MICU2: variants seen among roughly 807,000 people sequenced by gnomAD.
MICU2 encodes the protein mitochondrial calcium uptake 2, also known as calcium uptake protein 2, mitochondrial.
A neutral mutation model predicts 60.4 loss-of-function variants in MICU2; 64 were observed. The ratio of observed to expected loss-of-function variants is 1.06; its 90% CI spans 0.87 to 1.31. MICU2 has a LOEUF of 1.31. MICU2 is among the 50% of genes most tolerant of loss of function. The pLI is 0.00. For missense variants in MICU2, 569 were observed against 531.0 expected (o/e 1.07, Z -0.70); for synonymous variants, 201 against 175.0 (o/e 1.15, Z -1.17).
chr13:21,504,659 C>T (rs1463499881), intron 8 of MICU2, among the ~76,000 whole-genome samples: 2 of 152,120 alleles, frequency 1.3e-5, no homozygotes, highest in Admixed American at 6.5e-5. Flanking sequence ...GAACAAATTA[C>T]ATACTTTATA....
chr13:21,498,369 C>CTTTTTT lies in MICU2; in HGVS notation c.934-2215_934-2210dup, dbSNP rs34890922. Among the ~76,000 whole-genome samples, 139 of 78,566 alleles carry CTTTTTT rather than the reference C, an allele frequency of 1.8e-3. 8 individuals are homozygous for CTTTTTT. Among genetic ancestry groups the CTTTTTT allele is most frequent in the East Asian group, 5.3e-3 (9 of 1,698 alleles). 51.5% of individuals were successfully genotyped at this position (78,566 alleles called of 152,430 possible). On this transcript the variant is annotated intron_variant, in intron 9 of 11. Coordinates refer to ENST00000382374, the MANE Select transcript of MICU2 (RefSeq NM_152726.3). Reference sequence around the variant, plus strand: ...TGTCTCCATCCAGAAATATCCTATTCTTTTTTTTTTTTTTTTTTTTTTTTT... The same window carrying CTTTTTT: ...TGTCTCCATCCAGAAATATCCTATTCTTTTTTTTTTTTTTTTTTTTTTTTTTTTTTT...
intron 7 of MICU2, among the ~76,000 whole-genome samples, chr13:21,512,778 G>T (rs917772146): frequency 6.6e-6 from 1 of 152,038 alleles, no homozygotes. Context: ...TGTGATTTTA[G>T]TATCATTATC....
At position 21,502,922 on chromosome 13, in the gene MICU2, C is replaced by A. The variant is rs759066063; in HGVS notation, c.933+4G>T. The A allele has an allele frequency of 4.4e-6, 7 of 1,605,182 alleles. No homozygotes were observed. In the Admixed American group the frequency reaches 6.9e-5, roughly 16 times the overall value. ...TCACATGCATAATAAAAGGGTATAC[C>A]AACCTCTCCTGCTGACAACTTCTCT... On this transcript the variant is annotated splice_donor_region_variant and intron_variant, in intron 9 of 11. Transcript: ENST00000382374.
At position 21,510,042 on chromosome 13, in the gene MICU2, T is replaced by G; in HGVS notation, c.723A>C (p.Lys241Asn). The G allele has an allele frequency of 6.5e-7, 1 of 1,544,838 alleles. No individual in the cohort carries two copies. The highest frequency in any genetic ancestry group is 1.3e-5 in the South Asian group (1 of 76,178). The change falls in exon 8 of 12, where the codon AAA becomes AAC. Residue 241 changes from lysine (K) to asparagine (N), a missense_variant. By Grantham distance (94) the Lys-to-Asn change is moderately conservative. Transcript: ENST00000382374. The part of the protein sequence containing the change: ...NTTLQMRFFG[K>N]RGQRKLHYKE... ...TATAATGAAGTTTTCTTTGTCCTCTTTTTCCAAAGAAACGCATCTGAAGAG... is the reference window on the plus strand; with the variant it reads ...TATAATGAAGTTTTCTTTGTCCTCTGTTTCCAAAGAAACGCATCTGAAGAG...
chr13:21,595,590 T>C lies in MICU2; in HGVS notation c.210+8349A>G, dbSNP rs370258159. On this transcript the variant is annotated intron_variant, in intron 1 of 11. Transcript: ENST00000382374. ...GAGCTGCTCCAGGGCACCACCTCTG[T>C]GGTAGCTCTAAGCCAGGCCCTCAGG... Among the ~76,000 whole-genome samples the C allele has an allele frequency of 7.4e-4, 112 of 152,328 alleles. No homozygotes were observed. In the South Asian group the frequency reaches 9.9e-3, roughly 14 times the overall value.
intron 2 of MICU2, among the ~76,000 whole-genome samples, chr13:21,558,115 G>C (rs772229170): frequency 2.8e-4 from 43 of 152,092 alleles, no homozygotes; most frequent in Non-Finnish European, 6.0e-4. Flanking sequence ...GCTCCCCCAG[G>C]GTTGTTACTG....
At chr13:21,559,776 T>C (rs190994154) in intron 2 of MICU2, among the ~76,000 whole-genome samples, 4 of 152,244 alleles carry the variant, frequency 2.6e-5, no homozygotes, top group Admixed American at 2.6e-4. Context: ...CCACCTGCCT[T>C]GGCCTCCCAA....
Position 21,539,500 on chromosome 13 carries a change from A to G in MICU2, c.391-123T>C, listed in dbSNP as rs1000841539. On this transcript the variant is annotated intron_variant, in intron 3 of 11. Transcript: ENST00000382374. ...GTATTTTTAGTAGACACAGGGCTTCACTGTGTTAGCCAGGATGGTGATCTC... is the reference window on the plus strand; with the variant it reads ...GTATTTTTAGTAGACACAGGGCTTCGCTGTGTTAGCCAGGATGGTGATCTC... 8.9e-5 allele frequency: 113 copies of G among 1,275,076 alleles called. 1 individual carries two copies. In the South Asian group the frequency reaches 1.1e-3, roughly 12 times the overall value. The allele number at this position is 1,275,076 out of a possible 1,614,324, so 79.0% of individuals were successfully genotyped here.
chr13:21,538,681 A>G (rs1830445944), intron 4 of MICU2, among the ~76,000 whole-genome samples: 1 of 152,126 alleles, frequency 6.6e-6, no homozygotes, highest in Non-Finnish European at 1.5e-5. Flanking sequence ...TAATCTAGAG[A>G]TGATTTGAAC....
intron 7 of MICU2, among the ~76,000 whole-genome samples, chr13:21,513,204 T>C (rs528963964): frequency 6.6e-6 from 1 of 152,280 alleles, no homozygotes; most frequent in African/African-American, 2.4e-5. Context: ...CTGTTTCATT[T>C]CTTACTTTCC....
chr13:21,578,014 G>GA (rs1316379022), intron 1 of MICU2, among the ~76,000 whole-genome samples: 4 of 151,424 alleles, frequency 2.6e-5, no homozygotes, highest in African/African-American at 9.7e-5. Context: ...TAAATTAAAA[G>GA]AAAAAAATTC....
At position 21,604,106 on chromosome 13, in the gene MICU2, C is replaced by T. The variant is rs1186303125; in HGVS notation, c.43G>A (p.Gly15Ser). The T allele has an allele frequency of 1.3e-6, 2 of 1,585,322 alleles. No individual in the cohort carries two copies. The highest frequency in any genetic ancestry group is 1.7e-6 in the Non-Finnish European group (2 of 1,167,742). Residue 15 changes from glycine (G) to serine (S), a missense_variant, in exon 1 of 12, where the codon GGC becomes AGC. Gly to Ser is a moderately conservative substitution (Grantham distance 56). Coordinates refer to ENST00000382374, the MANE Select transcript of MICU2 (RefSeq NM_152726.3). Reference protein sequence around the residue: ...AGSCARVAAWGGKLRRGLAVS... With the variant: ...AGSCARVAAWSGKLRRGLAVS... ...GCGAGCCCCCGTCGCAGTTTTCCGC[C>T]CCAGGCCGCCACCCGCGCGCAGCTA...
intron 2 of MICU2, among the ~76,000 whole-genome samples, chr13:21,557,391 T>C (rs903502274): frequency 3.3e-5 from 5 of 152,162 alleles, no homozygotes; most frequent in Non-Finnish European, 4.4e-5. Context: ...GCACATTTGA[T>C]GGTTTTTAGA....
intron 1 of MICU2, among the ~76,000 whole-genome samples, chr13:21,582,577 A>G (rs527257736): frequency 1.3e-5 from 2 of 152,168 alleles, no homozygotes; most frequent in East Asian, 1.9e-4. Context: ...ACGTTCAATT[A>G]TTTGCTTTCT....
intron 1 of MICU2, among the ~76,000 whole-genome samples, chr13:21,570,751 C>T (rs967555780): frequency 1.3e-5 from 2 of 152,182 alleles, no homozygotes; most frequent in Non-Finnish European, 2.9e-5. Flanking sequence ...TAGTCCAACA[C>T]TTCTGTGTAA....
At chr13:21,547,889 G>GAT (rs1262353056) in intron 2 of MICU2, among the ~76,000 whole-genome samples, 1 of 152,122 alleles carries the variant, frequency 6.6e-6, no homozygotes, top group Non-Finnish European at 1.5e-5. Context: ...GGAATATTAT[G>GAT]GGTCTCGTGG....
At chr13:21,600,750 A>G (rs1265362637) in intron 1 of MICU2, among the ~76,000 whole-genome samples, 1 of 152,124 alleles carries the variant, frequency 6.6e-6, no homozygotes, top group African/African-American at 2.4e-5. Flanking sequence ...TTTTATTGGA[A>G]AAAAGCACTT....
At chr13:21,502,862 T>A (rs561310353) in intron 9 of MICU2, 64 bp downstream of exon 9, 27 of 1,466,824 alleles carry the variant, frequency 1.8e-5, no homozygotes, top group Admixed American at 4.2e-5. Context: ...GAAGTTACTT[T>A]ATGTAAACAT....
intron 2 of MICU2, among the ~76,000 whole-genome samples, chr13:21,566,258 A>G (rs887140816): frequency 1.5e-4 from 23 of 152,222 alleles, no homozygotes; most frequent in African/African-American, 4.8e-4. Context: ...GTTTTCACAG[A>G]CTACTTCTTC....
Sources: allele counts gnomAD v4.1 joint callset (sites outside exome capture counted in the v4.1 genomes callset), GRCh38; gene constraint gnomAD v4.1.1; transcripts MANE v1.5; gene names NCBI Gene and HGNC (gene_info 2026-07-23, HGNC 2026-07-21).